The following IGLL1 variants were observed in gnomAD, a reference collection of about 807,000 sequenced individuals.
The protein encoded by IGLL1 is immunoglobulin lambda like polypeptide 1.
IGLL1 carries 10 observed loss-of-function variants against 10.5 expected under a neutral mutation model. The observed-to-expected ratio is 0.95, with a 90% CI of 0.59 to 1.62. The LOEUF (loss-of-function observed/expected upper bound fraction) is 1.62. Ranked by LOEUF, IGLL1 falls within the 40% of genes most tolerant of loss-of-function variation. The pLI, the probability that IGLL1 is intolerant of heterozygous loss-of-function variation, is 0.00. For missense variants in IGLL1, 284 were observed against 278.7 expected (o/e 1.02, Z -0.14); for synonymous variants, 141 against 122.7 (o/e 1.15, Z -0.99).
In IGLL1 at chr22:23,573,644, G is replaced by A. The variant is rs369232035; in HGVS notation, c.323-59C>T. 600 of 1,329,718 alleles carry A rather than the reference G, an allele frequency of 4.5e-4. 5 individuals are homozygous for A. In the East Asian group the frequency reaches 0.013, roughly 29 times the overall value. 82.4% of individuals were successfully genotyped at this position (1,329,718 alleles called of 1,614,324 possible). On this transcript the variant is annotated intron_variant, in intron 2 of 2. Coordinates refer to ENST00000330377, the MANE Select transcript of IGLL1 (RefSeq NM_020070.4). ...GAGGGAGTGTGGGGTGTTGTGGAGC[G>A]CCTCTCTCTGTCTAAAGTCTCTGGG...
rs149117800 is a variant in IGLL1 at position 23,574,983 on chromosome 22, G to A, written c.306C>T (p.Thr102=). The part of the protein sequence containing the change: ...NSVTHVFGSG[T]QLTVLSQPKA... ...GCCACTTACTTAAAACGGTGAGCTG[G>A]GTCCCGCTGCCAAACACATGCGTCA... Residue 102 remains threonine (T), a synonymous_variant, in exon 2 of 3, where the codon ACC becomes ACT. Transcript: ENST00000330377. 1.3e-5 allele frequency: 21 copies of A among 1,612,670 alleles called. No individual in the cohort carries two copies. Among genetic ancestry groups the A allele is most frequent in the Non-Finnish European group, 1.7e-5 (20 of 1,178,850 alleles).
rs147688318 is a variant in IGLL1, at chr22:23,577,924, G to A, written c.206+2061C>T. On this transcript the variant is annotated intron_variant, in intron 1 of 2. Coordinates refer to ENST00000330377, the MANE Select transcript of IGLL1 (RefSeq NM_020070.4). ...TTTTGAGTGGGAGTCTCGTTCTGTC[G>A]TCCAGGCTGGAGTGCAGCGGTGCAA... 3.7e-4 allele frequency among the ~76,000 whole-genome samples: 50 copies of A among 135,520 alleles called. 1 individual carries two copies. Among genetic ancestry groups the A allele is most frequent in the African/African-American group, 1.4e-3 (47 of 34,410 alleles). The allele number at this position is 135,520 out of a possible 152,430, so 88.9% of individuals were successfully genotyped here.
intron 2 of IGLL1, among the ~76,000 whole-genome samples, 156 bp downstream of exon 2, chr22:23,574,811 C>G (rs1353611127): frequency 6.6e-6 from 1 of 152,118 alleles, no homozygotes; most frequent in Non-Finnish European, 1.5e-5. Context: ...CCTGCCATTA[C>G]CCTGAGACTA....
rs1184426255 is a variant in IGLL1, at chr22:23,573,436, G to A, written c.472C>T (p.Gln158Ter). The stretch of plus-strand genomic sequence containing the variant: ...GAGGGCGTGGTCATCTCCACGCCCT[G>A]GGTGATGGGGGTACCATCTGCCTTC... ...TWKADGTPITQGVEMTTPSKQ... is the reference protein window; with the variant it reads ...TWKADGTPIT The change falls in exon 3 of 3, where the codon CAG (glutamine) becomes TAG (stop). Residue 158 changes from glutamine (Q) to a stop codon, truncating the protein, a stop_gained. Transcript: ENST00000330377. LOFTEE classifies it low-confidence loss of function (END_TRUNC). The A allele has an allele frequency of 6.2e-7, 1 of 1,613,976 alleles. No homozygotes were observed. The highest frequency in any genetic ancestry group is 1.1e-5 in the South Asian group (1 of 91,078).
intron 2 of IGLL1, among the ~76,000 whole-genome samples, chr22:23,574,187 A>C (rs1458002506): frequency 1.3e-5 from 2 of 148,268 alleles, no homozygotes; most frequent in Non-Finnish European, 2.9e-5. Context: ...TGCCCACCCC[A>C]GCAGCCTCTG....
chr22:23,580,212 C>T lies in IGLL1; in HGVS notation c.-22G>A, dbSNP rs1477007054. The stretch of plus-strand genomic sequence containing the variant: ...TCATCGGCCCTCAGGGTCAGAGGTC[C>T]TTGTGGCCTGACTTGCAGTGTGGGC... On this transcript the variant is annotated 5_prime_UTR_variant, in exon 1 of 3. Transcript: ENST00000330377. 1 of 1,536,062 alleles carries T rather than the reference C, an allele frequency of 6.5e-7. No individual in the cohort carries two copies. Among genetic ancestry groups the T allele is most frequent in the African/African-American group, 1.4e-5 (1 of 73,028 alleles).
intron 1 of IGLL1, among the ~76,000 whole-genome samples, chr22:23,575,564 G>A (rs62240499): frequency 0.015 from 2,296 of 152,172 alleles, 28 homozygotes; most frequent in South Asian, 0.044. Flanking sequence ...CCATCCGTCC[G>A]TCCATCCATC....
chr22:23,574,856 G>A, intron 2 of IGLL1, 111 bp downstream of exon 2: 3 of 769,220 alleles, frequency 3.9e-6, no homozygotes, highest in Admixed American at 4.0e-5. Flanking sequence ...ACAAAGGTAG[G>A]GGTCAGTGCT....
chr22:23,577,025 T>G (rs1925093720), intron 1 of IGLL1, among the ~76,000 whole-genome samples: 2 of 152,226 alleles, frequency 1.3e-5, no homozygotes, highest in African/African-American at 2.4e-5. Context: ...CTTATTTCAC[T>G]AAGTATAATG....
In IGLL1 at chr22:23,573,480, C is replaced by G; in HGVS notation, c.428G>C (p.Gly143Ala). The G allele has an allele frequency of 6.2e-7, 1 of 1,613,916 alleles. No homozygotes were observed. The highest frequency in any genetic ancestry group is 8.5e-7 in the Non-Finnish European group (1 of 1,179,840). Residue 143 changes from glycine (G) to alanine (A), a missense_variant, in exon 3 of 3, where the codon GGA (glycine) becomes GCA (alanine). Physicochemically the swap from Gly to Ala is moderately conservative, Grantham distance 60. Transcript: ENST00000330377. ...LVCLMNDFYP[G>A]ILTVTWKADG... is the part of the protein sequence containing the mutation. The stretch of plus-strand genomic sequence containing the variant: ...TGCCTTCCAGGTCACCGTCAAGATT[C>G]CCGGATAAAAGTCATTCATGAGACA...
chr22:23,575,868 CT>C (rs201812371), intron 1 of IGLL1, among the ~76,000 whole-genome samples: 1 of 152,298 alleles, frequency 6.6e-6, no homozygotes, highest in Admixed American at 6.5e-5. Flanking sequence ...CTCTTTTCCC[CT>C]TGGGGTCTGA....
chr22:23,576,046 A>T (rs944050573), intron 1 of IGLL1, among the ~76,000 whole-genome samples: 9 of 152,088 alleles, frequency 5.9e-5, no homozygotes, highest in Admixed American at 5.9e-4. Context: ...AAACCCTCTC[A>T]GCTCCTCAAT....
At chr22:23,577,411 T>C (rs1416288296) in intron 1 of IGLL1, among the ~76,000 whole-genome samples, 2 of 151,634 alleles carry the variant, frequency 1.3e-5, no homozygotes, top group Non-Finnish European at 2.9e-5. Flanking sequence ...TACAACTAAA[T>C]ATAAAAAGTG....
At chr22:23,573,639 G>A (rs1924907888) in intron 2 of IGLL1, 54 bp from the exon 3 acceptor site, 7 of 1,379,124 alleles carry the variant, frequency 5.1e-6, no homozygotes, top group African/African-American at 1.4e-5. Context: ...GGGGTGTTGT[G>A]GAGCGCCTCT....
At chr22:23,573,868 T>G (rs1924918628) in intron 2 of IGLL1, among the ~76,000 whole-genome samples, 3 of 151,982 alleles carry the variant, frequency 2.0e-5, no homozygotes. Context: ...GGGCAGGCTG[T>G]GCTCCCTCCT....
chr22:23,573,968 T>C (rs1432303263), intron 2 of IGLL1, among the ~76,000 whole-genome samples: 1 of 151,342 alleles, frequency 6.6e-6, no homozygotes, highest in Non-Finnish European at 1.5e-5. Flanking sequence ...GACCCAAGCC[T>C]GGCATGGCCT....
Position 23,574,858 on chromosome 22 carries a change from G to T in IGLL1, c.322+109C>A, listed in dbSNP as rs1484709530. The T allele has an allele frequency of 5.2e-6, 4 of 776,216 alleles. No homozygotes were observed. In the African/African-American group the frequency reaches 6.9e-5, roughly 13 times the overall value. The allele number at this position is 776,216 out of a possible 1,614,324, so 48.1% of individuals were successfully genotyped here. ...CCAGGCCCCATGGACAAAGGTAGGGGTCAGTGCTTAAGGCTGGGAGGGCAG... is the reference window on the plus strand; with the variant it reads ...CCAGGCCCCATGGACAAAGGTAGGGTTCAGTGCTTAAGGCTGGGAGGGCAG... On this transcript the variant is annotated intron_variant, in intron 2 of 2. Coordinates refer to ENST00000330377, the MANE Select transcript of IGLL1 (RefSeq NM_020070.4).
At chr22:23,579,584 A>G in intron 1 of IGLL1, among the ~76,000 whole-genome samples, 1 of 142,530 alleles carries the variant, frequency 7.0e-6, no homozygotes, top group Non-Finnish European at 1.5e-5. Flanking sequence ...CAAGGGGAAA[A>G]GAGGAGGGGG....
intron 2 of IGLL1, among the ~76,000 whole-genome samples, chr22:23,574,661 A>G (rs1252600633): frequency 3.3e-5 from 5 of 152,140 alleles, no homozygotes; most frequent in East Asian, 1.9e-4. Context: ...CATCAGAACC[A>G]GCCTCTGTCC....
Sources: gnomAD v4.1 joint callset for allele counts (sites outside exome capture counted in the v4.1 genomes callset) on GRCh38, gnomAD v4.1.1 for gene constraint, MANE v1.5 for transcripts, NCBI Gene and HGNC (gene_info 2026-07-23, HGNC 2026-07-21) for gene names.